Variants in PALM2AKAP2 observed in about 807,000 individuals in gnomAD.
The protein encoded by PALM2AKAP2 is PALM2-AKAP2 fusion protein.
Under a neutral mutation model 71.5 loss-of-function variants are expected in PALM2AKAP2, and 37 were observed. The ratio of observed to expected loss-of-function variants is 0.52; its 90% CI spans 0.40 to 0.68. The LOEUF (loss-of-function observed/expected upper bound fraction) is 0.68, where lower values mean the gene tolerates loss of function less well. Ranked by LOEUF, PALM2AKAP2 falls within the 30% of genes least tolerant of loss-of-function variation. The pLI is 0.00. For synonymous variants in PALM2AKAP2, 468 were observed against 478.8 expected (o/e 0.98, Z 0.29); for missense variants, 1,224 against 1,191.8 (o/e 1.03, Z -0.40).
At chr9:109,907,571 C>T (rs2131877397) in intron 3 of PALM2AKAP2, among the ~76,000 whole-genome samples, 1 of 152,272 alleles carries the variant, frequency 6.6e-6, no homozygotes, top group East Asian at 1.9e-4. Flanking sequence ...GGGTAGGGTT[C>T]AGTAGTTGCG....
intron 1 of PALM2AKAP2, among the ~76,000 whole-genome samples, chr9:109,854,200 TG>T (rs948054214): frequency 6.6e-6 from 1 of 152,168 alleles, no homozygotes; most frequent in Non-Finnish European, 1.5e-5. Flanking sequence ...TCCCTGTCCC[TG>T]GGGGCATCGT....
chr9:109,808,905 AG>A (rs2131431338), intron 1 of PALM2AKAP2, among the ~76,000 whole-genome samples: 1 of 152,358 alleles, frequency 6.6e-6, no homozygotes, highest in South Asian at 2.1e-4. Context: ...ATTGCTTCAG[AG>A]GGTGCAAGCC....
At chr9:109,871,896 G>A (rs899927656) in intron 2 of PALM2AKAP2, among the ~76,000 whole-genome samples, 3 of 152,124 alleles carry the variant, frequency 2.0e-5, no homozygotes, top group Non-Finnish European at 4.4e-5. Flanking sequence ...TACTTCAATA[G>A]CATTAATTCA....
chr9:110,080,069 CAAAAAAA>C (rs147710381), intron 1 of PALM2AKAP2, among the ~76,000 whole-genome samples: 5 of 75,560 alleles, frequency 6.6e-5, no homozygotes, highest in East Asian at 4.0e-4. Context: ...GACTCTGTCT[CAAAAAAA>C]AAAAAAAAAA....
upstream of PALM2AKAP2, among the ~76,000 whole-genome samples, chr9:110,045,586 T>C (rs2132478161): frequency 6.6e-6 from 1 of 152,242 alleles, no homozygotes; most frequent in South Asian, 2.1e-4. Context: ...CTCTTTTTTT[T>C]TGATGCAGTC....
At chr9:109,851,628 C>A (rs940374772) in intron 1 of PALM2AKAP2, among the ~76,000 whole-genome samples, 2 of 152,090 alleles carry the variant, frequency 1.3e-5, no homozygotes, top group African/African-American at 4.8e-5. Context: ...TGATAAAGAC[C>A]AACCTGCCTG....
intron 6 of PALM2AKAP2, among the ~76,000 whole-genome samples, chr9:109,994,171 C>A (rs1357670573): frequency 6.6e-6 from 1 of 152,194 alleles, no homozygotes; most frequent in Non-Finnish European, 1.5e-5. Flanking sequence ...TATATCAAAT[C>A]ATCAGAGTGA....
chr9:110,056,236 C>T (rs1359046773), intron 1 of PALM2AKAP2, among the ~76,000 whole-genome samples: 1 of 152,192 alleles, frequency 6.6e-6, no homozygotes, highest in African/African-American at 2.4e-5. Context: ...CGTTTTCAGC[C>T]CGCCTCCCAG....
At chr9:109,851,211 A>AG (rs1554720639) in intron 1 of PALM2AKAP2, among the ~76,000 whole-genome samples, 1 of 123,710 alleles carries the variant, frequency 8.1e-6, no homozygotes, top group African/African-American at 3.9e-5. Flanking sequence ...AACAACAACA[A>AG]AAAAAAAAAA....
chr9:109,859,921 A>G (rs1361093914), intron 1 of PALM2AKAP2, among the ~76,000 whole-genome samples: 1 of 152,248 alleles, frequency 6.6e-6, no homozygotes, highest in Admixed American at 6.5e-5. Context: ...TCAGCTACTT[A>G]TCTACAAACC....
chr9:109,644,292 C>A (rs1226107862), intron 1 of PALM2AKAP2, among the ~76,000 whole-genome samples: 1 of 152,088 alleles, frequency 6.6e-6, no homozygotes, highest in East Asian at 1.9e-4. Context: ...CTGCCCCTAC[C>A]CTTCAATCTA....
intron 1 of PALM2AKAP2, among the ~76,000 whole-genome samples, chr9:109,790,322 A>G (rs1206510558): frequency 6.6e-6 from 1 of 151,846 alleles, no homozygotes; most frequent in Non-Finnish European, 1.5e-5. Context: ...TTTACTTACT[A>G]TTCTAGGTGG....
chr9:109,851,248 T>G (rs901200392), intron 1 of PALM2AKAP2, among the ~76,000 whole-genome samples: 2 of 151,818 alleles, frequency 1.3e-5, no homozygotes, highest in African/African-American at 4.8e-5. Flanking sequence ...TTTACAGCCT[T>G]GAGTGCCCAG....
intron 1 of PALM2AKAP2, among the ~76,000 whole-genome samples, chr9:110,104,255 T>C (rs1835065888): frequency 1.3e-5 from 2 of 152,250 alleles, no homozygotes; most frequent in African/African-American, 4.8e-5. Flanking sequence ...CAGATTTTTG[T>C]TGGGATTTCA....
chr9:109,963,841 T>C (rs181934217), intron 6 of PALM2AKAP2, among the ~76,000 whole-genome samples: 1 of 152,366 alleles, frequency 6.6e-6, no homozygotes, highest in East Asian at 1.9e-4. Context: ...GGAAGCAGTT[T>C]GCCTTGAAGG....
chr9:109,931,948 C>T (rs759114610), exon 6 of PALM2AKAP2: 2 of 1,613,982 alleles, frequency 1.2e-6, no homozygotes, highest in East Asian at 2.2e-5. Flanking sequence ...TACATTTCCT[C>T]CCAGCTTCCC....
At chr9:109,964,493 T>A (rs2132127980) in intron 6 of PALM2AKAP2, among the ~76,000 whole-genome samples, 1 of 152,320 alleles carries the variant, frequency 6.6e-6, no homozygotes, top group South Asian at 2.1e-4. Flanking sequence ...ATTAATTATG[T>A]CTTTTCCTTC....
At chr9:109,810,501 T>A in intron 1 of PALM2AKAP2, among the ~76,000 whole-genome samples, 1 of 152,188 alleles carries the variant, frequency 6.6e-6, no homozygotes. Context: ...CCACTGGATT[T>A]AGTAGCAAGG....
At chr9:109,774,056 C>T (rs139197829) in intron 1 of PALM2AKAP2, among the ~76,000 whole-genome samples, 3 of 152,272 alleles carry the variant, frequency 2.0e-5, no homozygotes, top group East Asian at 1.9e-4. Flanking sequence ...CTGCCAACCC[C>T]GCAGGAAATT....
Sources: gnomAD v4.1 joint callset for allele counts (sites outside exome capture counted in the v4.1 genomes callset) on GRCh38, gnomAD v4.1.1 for gene constraint, MANE v1.5 for transcripts, NCBI Gene and HGNC (gene_info 2026-07-23, HGNC 2026-07-21) for gene names.